Variants in MITF observed in about 807,000 individuals in gnomAD.
MITF encodes melanocyte inducing transcription factor.
In MITF, 17 loss-of-function variants were observed where a neutral mutation model predicts 60.5. The observed-to-expected ratio is 0.28, with a 90% confidence interval of 0.19 to 0.42. MITF has a LOEUF of 0.42. MITF is among the 10% of genes least tolerant of loss of function. The pLI, the probability that MITF is intolerant of heterozygous loss-of-function variation, is 1.00. For missense variants in MITF, 622 were observed against 683.5 expected (o/e 0.91, Z 1.00); for synonymous variants, 260 against 248.5 (o/e 1.05, Z -0.43).
intron 1 of MITF, among the ~76,000 whole-genome samples, chr3:69,851,051 A>T (rs1449409781): frequency 1.3e-5 from 2 of 152,146 alleles, no homozygotes; most frequent in South Asian, 4.1e-4. Context: ...TTACACATAG[A>T]TCAAGACATA....
intron 5 of MITF, among the ~76,000 whole-genome samples, chr3:69,945,508 A>G (rs1275621620): frequency 2.0e-5 from 3 of 152,216 alleles, no homozygotes; most frequent in African/African-American, 7.2e-5. Context: ...TTATCGGGAA[A>G]GTTTTCTAAT....
chr3:69,928,307 T>A (rs1033904933), intron 2 of MITF, among the ~76,000 whole-genome samples: 4 of 152,256 alleles, frequency 2.6e-5, no homozygotes, highest in Non-Finnish European at 5.9e-5. Flanking sequence ...TTTACAGTTC[T>A]ACCTATTTAT....
At chr3:69,856,780 T>TG (rs2063926030) in intron 1 of MITF, among the ~76,000 whole-genome samples, 2 of 152,212 alleles carry the variant, frequency 1.3e-5, no homozygotes, top group African/African-American at 4.8e-5. Flanking sequence ...TACTTTTTTT[T>TG]TCTTCCTTGT....
intron 2 of MITF, among the ~76,000 whole-genome samples, chr3:69,914,684 G>A (rs941085341): frequency 6.6e-6 from 1 of 152,124 alleles, no homozygotes; most frequent in African/African-American, 2.4e-5. Context: ...ACTCGAGAAA[G>A]GGTGATTGCC....
intron 1 of MITF, among the ~76,000 whole-genome samples, chr3:69,872,873 G>T (rs1181656224): frequency 5.9e-5 from 9 of 152,202 alleles, no homozygotes; most frequent in Admixed American, 5.9e-4. Context: ...TATGTACTGT[G>T]AAATGTACAA....
intron 1 of MITF, among the ~76,000 whole-genome samples, chr3:69,788,367 T>G (rs933119716): frequency 1.5e-4 from 22 of 148,144 alleles, no homozygotes; most frequent in African/African-American, 5.2e-4. Flanking sequence ...TTCCCACCTA[T>G]GAGTGAGAAC....
At chr3:69,777,141 G>T (rs1394812979) in intron 1 of MITF, among the ~76,000 whole-genome samples, 2 of 152,056 alleles carry the variant, frequency 1.3e-5, no homozygotes, top group Non-Finnish European at 2.9e-5. Flanking sequence ...CATGGAAAAT[G>T]ACTCATAGGA....
chr3:69,794,859 G>C (rs1291576708), intron 1 of MITF, among the ~76,000 whole-genome samples: 1 of 152,222 alleles, frequency 6.6e-6, no homozygotes, highest in Non-Finnish European at 1.5e-5. Context: ...GAATCAAATA[G>C]TATTTGTTCT....
intron 1 of MITF, among the ~76,000 whole-genome samples, chr3:69,797,679 G>C (rs767209613): frequency 6.6e-6 from 1 of 152,106 alleles, no homozygotes; most frequent in Non-Finnish European, 1.5e-5. Context: ...CACTTTCACT[G>C]TACATTTTGT....
chr3:69,948,841 C>T (rs1373985815), intron 5 of MITF, among the ~76,000 whole-genome samples: 1 of 152,110 alleles, frequency 6.6e-6, no homozygotes, highest in Non-Finnish European at 1.5e-5. Context: ...ACTTTCCTGC[C>T]TCAAAGGGAA....
intron 1 of MITF, among the ~76,000 whole-genome samples, chr3:69,807,872 A>G (rs371829037): frequency 6.6e-6 from 1 of 152,050 alleles, no homozygotes; most frequent in African/African-American, 2.4e-5. Context: ...GACTGTTAAG[A>G]GCTGGTTGTA....
At chr3:69,837,933 G>C (rs2063564990) in intron 1 of MITF, among the ~76,000 whole-genome samples, 1 of 152,170 alleles carries the variant, frequency 6.6e-6, no homozygotes, top group Non-Finnish European at 1.5e-5. Context: ...ATGCATGTGT[G>C]TATTTGTGTA....
chr3:69,919,556 AC>A (rs1277014232), intron 2 of MITF, among the ~76,000 whole-genome samples: 2 of 152,190 alleles, frequency 1.3e-5, no homozygotes, highest in Non-Finnish European at 2.9e-5. Flanking sequence ...ATATCTAAAA[AC>A]TATACTTTTT....
chr3:69,882,165 T>C (rs1480007488), intron 2 of MITF, among the ~76,000 whole-genome samples: 1 of 152,166 alleles, frequency 6.6e-6, no homozygotes, highest in Non-Finnish European at 1.5e-5. Flanking sequence ...TTATAAAGCA[T>C]GTTTAAAAGT....
intron 2 of MITF, among the ~76,000 whole-genome samples, chr3:69,901,104 A>G (rs1339395781): frequency 6.6e-6 from 1 of 151,644 alleles, no homozygotes; most frequent in Non-Finnish European, 1.5e-5. Context: ...TTATATTTCC[A>G]TGACTTGGTT....
chr3:69,951,679 T>TA (rs1559744980), intron 6 of MITF, 133 bp from the exon 7 acceptor site: 9 of 692,956 alleles, frequency 1.3e-5, no homozygotes, highest in South Asian at 8.0e-5. Flanking sequence ...ATATCATTTT[T>TA]AAAAAAACGT....
chr3:69,957,221 C>T (rs2066421640), intron 8 of MITF, among the ~76,000 whole-genome samples: 1 of 152,164 alleles, frequency 6.6e-6, no homozygotes, highest in Non-Finnish European at 1.5e-5. Context: ...AACAAACACA[C>T]AGTTTTTATC....
At chr3:69,749,316 T>G (rs900186864) in intron 1 of MITF, among the ~76,000 whole-genome samples, 2 of 152,186 alleles carry the variant, frequency 1.3e-5, no homozygotes, top group Admixed American at 1.3e-4. Context: ...TAGGTATATA[T>G]TTGTCATTGT....
Position 69,936,751 on chromosome 3 carries a change from A to G in MITF, c.355-1071A>G, listed in dbSNP as rs777021150. Reference sequence around the variant, plus strand: ...CTGGAAATGCTAGAATATAATCACTATCAGGTGAGATTTATTCTGACTCAT... The same window carrying G: ...CTGGAAATGCTAGAATATAATCACTGTCAGGTGAGATTTATTCTGACTCAT... On this transcript the variant is annotated intron_variant, in intron 2 of 9. Coordinates refer to ENST00000352241, the MANE Select transcript of MITF (RefSeq NM_001354604.2). 9.3e-6 allele frequency: 15 copies of G among 1,613,062 alleles called. No homozygotes were observed. The highest frequency in any genetic ancestry group is 3.3e-5 in the Admixed American group (2 of 59,972).
Sources: allele counts gnomAD v4.1 joint callset (sites outside exome capture counted in the v4.1 genomes callset), GRCh38; gene constraint gnomAD v4.1.1; transcripts MANE v1.5; gene names NCBI Gene and HGNC (gene_info 2026-07-23, HGNC 2026-07-21).